The following NRAP variants were observed in gnomAD, a reference collection of about 807,000 sequenced individuals.
NRAP encodes the protein nebulin-related-anchoring protein.
In NRAP, 189 loss-of-function variants were observed where a neutral mutation model predicts 225.9. The observed-to-expected ratio is 0.84, with a 90% confidence interval of 0.74 to 0.94. The LOEUF (loss-of-function observed/expected upper bound fraction) is 0.94, where lower values mean the gene tolerates loss of function less well. Ranked by LOEUF, NRAP falls within the 40% of genes least tolerant of loss-of-function variation. The probability of loss-of-function intolerance (pLI) is 0.00; values close to 1 mark genes in which losing one functional copy is unlikely to be tolerated. For synonymous variants in NRAP, 769 were observed against 790.7 expected (o/e 0.97, Z 0.46); for missense variants, 2,176 against 2,168.7 (o/e 1.00, Z -0.07).
At chr10:113,652,889 A>G (rs1294012811) in intron 6 of NRAP, 46 bp downstream of exon 6, 11 of 1,354,910 alleles carry the variant, frequency 8.1e-6, no homozygotes, top group Non-Finnish European at 1.2e-5. Context: ...CTCATTAATG[A>G]CAAAAATTAG....
At chr10:113,612,176 A>T in intron 30 of NRAP, 58 bp downstream of exon 30, 1 of 1,427,334 alleles carries the variant, frequency 7.0e-7, no homozygotes, top group South Asian at 1.2e-5. Context: ...CCTGGAGGTC[A>T]CCACCCTGAG....
chr10:113,606,119 C>T, intron 33 of NRAP, 59 bp downstream of exon 33: 1 of 1,259,694 alleles, frequency 7.9e-7, no homozygotes, highest in South Asian at 1.2e-5. Flanking sequence ...GGTTACTTCA[C>T]AGATGTAGAC....
intron 14 of NRAP, among the ~76,000 whole-genome samples, chr10:113,639,091 CAAAAA>C (rs60509891): frequency 1.3e-3 from 147 of 115,794 alleles, no homozygotes; most frequent in African/African-American, 4.5e-3. Context: ...ATGTATATAG[CAAAAA>C]AAAAAAAAAA....
chr10:113,662,044 G>C (rs1267704661), intron 3 of NRAP, among the ~76,000 whole-genome samples: 1 of 152,136 alleles, frequency 6.6e-6, no homozygotes, highest in Non-Finnish European at 1.5e-5. Context: ...AAGACACAAA[G>C]ATTATACTGA....
chr10:113,662,709 AT>A lies in NRAP; in HGVS notation c.224del (p.Asn75MetfsTer2). On this transcript the variant is annotated frameshift_variant, in exon 3 of 42. Transcript: ENST00000359988. LOFTEE classifies it high-confidence loss of function. ...TGATGGCCTCTGGAAATGTCCTCACATTTAGATTTAATGGAGTGTGATAGAC... is the reference window on the plus strand; with the variant it reads ...TGATGGCCTCTGGAAATGTCCTCACATTAGATTTAATGGAGTGTGATAGAC... ...TSVYHTPLNL[N>X]VRTFPEAISG... 1 of 1,599,160 alleles carries A rather than the reference AT, an allele frequency of 6.3e-7. No individual in the cohort carries two copies. The highest frequency in any genetic ancestry group is 8.6e-7 in the Non-Finnish European group (1 of 1,166,358).
chr10:113,615,711 CCTCA>C lies in NRAP; in HGVS notation c.3075_3078del (p.Ser1025ArgfsTer18). Reference sequence around the variant, plus strand: ...ACTCGTGCCCCTTGGGTCAGCCTCACCTCACTGATATTCATGGCATTCAGCTTGG... The same window carrying C: ...ACTCGTGCCCCTTGGGTCAGCCTCACCTGATATTCATGGCATTCAGCTTGG... On this transcript the variant is annotated frameshift_variant and splice_region_variant, in exon 27 of 42. Transcript: ENST00000359988. LOFTEE classifies it high-confidence loss of function. The C allele has an allele frequency of 6.3e-7, 1 of 1,582,350 alleles. No individual in the cohort carries two copies. The highest frequency in any genetic ancestry group is 8.7e-7 in the Non-Finnish European group (1 of 1,151,058).
intron 29 of NRAP, among the ~76,000 whole-genome samples, chr10:113,613,760 C>T (rs901092993): frequency 6.6e-6 from 1 of 152,180 alleles, no homozygotes; most frequent in Non-Finnish European, 1.5e-5. Flanking sequence ...GTCAGGAAGC[C>T]ACTACAACCA....
At chr10:113,611,738 G>A (rs1003486868) in intron 30 of NRAP, among the ~76,000 whole-genome samples, 13 of 152,164 alleles carry the variant, frequency 8.5e-5, no homozygotes, top group Non-Finnish European at 1.9e-4. Flanking sequence ...CAGAAGGCGG[G>A]TGGCACAGGA....
rs778214755 is a variant in NRAP, at chr10:113,614,265, T to G, written c.3218A>C (p.Lys1073Thr). Reference sequence around the variant, plus strand: ...GCTCCGGGAACCAAGCATCTGTCCTTTCATTTTCTCAAATGCCTCTTTGTA... The same window carrying G: ...GCTCCGGGAACCAAGCATCTGTCCTGTCATTTTCTCAAATGCCTCTTTGTA... ...YKYKEAFEKM[K>T]GQMLGSRSLE... Residue 1073 changes from lysine (K) to threonine (T), a missense_variant, in exon 29 of 42, where the codon AAA (lysine) becomes ACA (threonine). Coordinates refer to ENST00000359988, the MANE Select transcript of NRAP (RefSeq NM_198060.4). The G allele has an allele frequency of 6.2e-7, 1 of 1,613,908 alleles. No individual in the cohort carries two copies. The highest frequency in any genetic ancestry group is 8.5e-7 in the Non-Finnish European group (1 of 1,179,780).
intron 35 of NRAP, among the ~76,000 whole-genome samples, chr10:113,601,939 G>A (rs1341185689): frequency 6.6e-6 from 1 of 152,150 alleles, no homozygotes; most frequent in African/African-American, 2.4e-5. Flanking sequence ...AGGCTGAAGT[G>A]CAGTAGCACA....
intron 32 of NRAP, among the ~76,000 whole-genome samples, chr10:113,607,373 G>A (rs572212577): frequency 2.0e-4 from 23 of 113,666 alleles, no homozygotes; most frequent in African/African-American, 7.1e-4. Context: ...CTGCACTCCA[G>A]CCTGGGTGAA....
At chr10:113,602,006 C>T (rs149847777) in intron 35 of NRAP, among the ~76,000 whole-genome samples, 2,299 of 152,306 alleles carry the variant, frequency 0.015, 32 homozygotes, top group Middle Eastern at 0.034. Flanking sequence ...CCACCTCAGC[C>T]TCCCAAGTAG....
chr10:113,600,637 G>A lies in NRAP; in HGVS notation c.4228-2564C>T, dbSNP rs1262486664. 2.0e-5 allele frequency among the ~76,000 whole-genome samples: 3 copies of A among 152,136 alleles called. No homozygotes were observed. In the East Asian group the frequency reaches 5.8e-4, roughly 29 times the overall value. Reference sequence around the variant, plus strand: ...CCTGGGTTCAGAATCCAGCCACCTGGGGAAGCCAAAGAGACTGAACCAGGA... The same window carrying A: ...CCTGGGTTCAGAATCCAGCCACCTGAGGAAGCCAAAGAGACTGAACCAGGA... On this transcript the variant is annotated intron_variant, in intron 35 of 41. Transcript: ENST00000359988.
chr10:113,607,201 A>T lies in NRAP; in HGVS notation c.3703-919T>A, dbSNP rs556799328. 4.0e-4 allele frequency among the ~76,000 whole-genome samples: 59 copies of T among 147,766 alleles called. 1 individual carries two copies. The East Asian group carries it at 0.016, about 40-fold the overall frequency. Reference sequence around the variant, plus strand: ...GGGCGACAGAGCGTGACTCTGTCTCAAACAAACAAACAAACAAACAAAAAC... The same window carrying T: ...GGGCGACAGAGCGTGACTCTGTCTCTAACAAACAAACAAACAAACAAAAAC... On this transcript the variant is annotated intron_variant, in intron 32 of 41. Coordinates refer to ENST00000359988, the MANE Select transcript of NRAP (RefSeq NM_198060.4).
intron 35 of NRAP, 141 bp downstream of exon 35, chr10:113,604,468 G>A: frequency 1.5e-6 from 1 of 666,294 alleles, no homozygotes; most frequent in Non-Finnish European, 2.5e-6. Flanking sequence ...AAATGACATA[G>A]ACCCAGCAAA....
chr10:113,604,598 G>A lies in NRAP; in HGVS notation c.4227+11C>T. On this transcript the variant is annotated intron_variant, in intron 35 of 41. Coordinates refer to ENST00000359988, the MANE Select transcript of NRAP (RefSeq NM_198060.4). Reference sequence around the variant, plus strand: ...TGGGGGCTGGTTTGCATTCCACAAGGCCACCCCTACCTCACTCTGCAGGGC... The same window carrying A: ...TGGGGGCTGGTTTGCATTCCACAAGACCACCCCTACCTCACTCTGCAGGGC... 1 of 1,606,540 alleles carries A rather than the reference G, an allele frequency of 6.2e-7. No individual in the cohort carries two copies.
chr10:113,623,479 T>G, intron 23 of NRAP, 50 bp downstream of exon 23: 1 of 1,222,100 alleles, frequency 8.2e-7, no homozygotes, highest in Non-Finnish European at 1.2e-6. Flanking sequence ...CTCCCCGGTA[T>G]AAAAAGGCAG....
At chr10:113,654,975 G>C (rs1294734959) in intron 4 of NRAP, among the ~76,000 whole-genome samples, 2 of 152,232 alleles carry the variant, frequency 1.3e-5, no homozygotes, top group Admixed American at 6.5e-5. Flanking sequence ...AGCTGGGTTT[G>C]ATTGGACACA....
Position 113,593,421 on chromosome 10 carries a change from C to T in NRAP, c.4537-1120G>A, listed in dbSNP as rs143049584. Among the ~76,000 whole-genome samples, 391 of 152,224 alleles carry T rather than the reference C, an allele frequency of 2.6e-3. 1 individual carries two copies. The highest frequency in any genetic ancestry group is 4.3e-3 in the Non-Finnish European group (291 of 68,028). On this transcript the variant is annotated intron_variant, in intron 38 of 41. Coordinates refer to ENST00000359988, the MANE Select transcript of NRAP (RefSeq NM_198060.4). ...CACAAAGTGCTTGGGCCAAGCATGG[C>T]GGATCTCATCATTTCTCTGTACTGC...
Sources: gnomAD v4.1 joint callset for allele counts (sites outside exome capture counted in the v4.1 genomes callset) on GRCh38, gnomAD v4.1.1 for gene constraint, MANE v1.5 for transcripts, NCBI Gene and HGNC (gene_info 2026-07-23, HGNC 2026-07-21) for gene names.